The following KMT2E variants were observed in gnomAD, a reference collection of about 807,000 sequenced individuals.
KMT2E encodes lysine methyltransferase 2E (inactive), also known as histone reader KMT2E.
Under a neutral mutation model 184.6 loss-of-function variants are expected in KMT2E, and 30 were observed. The observed-to-expected ratio is 0.16, with a 90% CI of 0.12 to 0.22. KMT2E has a LOEUF of 0.22. Ranked by LOEUF, KMT2E falls within the 10% of genes least tolerant of loss-of-function variation. The pLI is 1.00. For missense variants in KMT2E, 2,023 were observed against 2,237.4 expected (o/e 0.90, Z 1.93); for synonymous variants, 815 against 776.5 (o/e 1.05, Z -0.82).
intron 2 of KMT2E, among the ~76,000 whole-genome samples, chr7:105,040,390 G>A (rs1795826928): frequency 6.6e-6 from 1 of 152,082 alleles, no homozygotes; most frequent in African/African-American, 2.4e-5. Context: ...TTCCTCAGTG[G>A]TAAAATGGAG....
In KMT2E at chr7:105,082,605, T is replaced by C. The variant is rs555505312; in HGVS notation, c.1358+808T>C. Among the ~76,000 whole-genome samples the C allele has an allele frequency of 2.0e-5, 3 of 152,120 alleles. No homozygotes were observed. The East Asian group carries it at 5.8e-4, about 29-fold the overall frequency. ...TAGGCTGAGGAGGAAGGGTGGGGGT[T>C]GCTCTTGCTGTCTCAGGGGTGACAG... On this transcript the variant is annotated intron_variant, in intron 13 of 26. Coordinates refer to ENST00000311117, the MANE Select transcript of KMT2E (RefSeq NM_182931.3).
chr7:105,104,867 G>T (rs1019420002), intron 17 of KMT2E: 1 of 151,936 alleles, frequency 6.6e-6, no homozygotes, highest in African/African-American at 2.4e-5. Flanking sequence ...GTCTCTAGTT[G>T]TAACTATATT....
chr7:105,082,262 T>TA (rs1472224460), intron 13 of KMT2E, among the ~76,000 whole-genome samples: 1 of 152,128 alleles, frequency 6.6e-6, no homozygotes, highest in Non-Finnish European at 1.5e-5. Flanking sequence ...GAAATACTAG[T>TA]AAAAAACTAA....
chr7:105,022,853 G>GT (rs1795010953), intron 1 of KMT2E, among the ~76,000 whole-genome samples: 1 of 151,964 alleles, frequency 6.6e-6, no homozygotes, highest in African/African-American at 2.4e-5. Flanking sequence ...TCGTTTTCTT[G>GT]TTTTTTCTTT....
chr7:105,094,211 C>G (rs1223373728), intron 15 of KMT2E, among the ~76,000 whole-genome samples: 3 of 152,074 alleles, frequency 2.0e-5, no homozygotes, highest in Non-Finnish European at 4.4e-5. Flanking sequence ...TTTTCCTAGT[C>G]TTGATTTTTA....
In KMT2E at chr7:105,027,747, TAAAA is replaced by T. The variant is rs1795230966; in HGVS notation, c.-188-10378_-188-10375del. On this transcript the variant is annotated intron_variant, in intron 1 of 26. Transcript: ENST00000311117. ...CTTGGGATATCGTAAGTCTTGGAAT[TAAAA>T]GACAGGAAAATGCTGTAGAAGTAAA... Among the ~76,000 whole-genome samples, 9 of 152,150 alleles carry T rather than the reference TAAAA, an allele frequency of 5.9e-5. No individual in the cohort carries two copies. The East Asian group carries it at 1.2e-3, about 19-fold the overall frequency.
chr7:105,020,246 T>A (rs1229581565), intron 1 of KMT2E, among the ~76,000 whole-genome samples: 2 of 152,184 alleles, frequency 1.3e-5, no homozygotes, highest in Admixed American at 1.3e-4. Flanking sequence ...CATGCCTGTC[T>A]AGCATACGAT....
At chr7:105,089,847 T>A (rs569096355) in intron 13 of KMT2E, among the ~76,000 whole-genome samples, 162 bp from the exon 14 acceptor site, 4 of 152,208 alleles carry the variant, frequency 2.6e-5, no homozygotes, top group East Asian at 1.9e-4. Context: ...ATGAAAAAAA[T>A]TTTTTGTGGT....
At chr7:105,107,028 TG>T (rs1798929429) in intron 20 of KMT2E, 137 bp from the exon 21 acceptor site, 2 of 636,574 alleles carry the variant, frequency 3.1e-6, no homozygotes, top group South Asian at 4.9e-5. Context: ...CAGTCTTATT[TG>T]GGGAATGGAA....
chr7:105,087,909 CTATAT>C (rs543830981), intron 13 of KMT2E, among the ~76,000 whole-genome samples: 12 of 130,224 alleles, frequency 9.2e-5, no homozygotes, highest in Non-Finnish European at 1.8e-4. Flanking sequence ...TCCTCTTATT[CTATAT>C]ATTTTTAAAC....
rs554188776 is a variant in KMT2E at position 105,114,760 on chromosome 7, C to CTATT, written c.*1433_*1436dup. ...AGTCATGTTTTTACACTTTGAACCTCTATTTATTTCCTTTTGAAAATTAGC... is the reference window on the plus strand; with the variant it reads ...AGTCATGTTTTTACACTTTGAACCTCTATTTATTTATTTCCTTTTGAAAATTAGC... On this transcript the variant is annotated 3_prime_UTR_variant, in exon 27 of 27. Transcript: ENST00000311117. Among the ~76,000 whole-genome samples, 6 of 152,160 alleles carry CTATT rather than the reference C, an allele frequency of 3.9e-5. No homozygotes were observed. Among genetic ancestry groups the CTATT allele is most frequent in the Admixed American group, 1.3e-4 (2 of 15,276 alleles).
At position 105,101,981 on chromosome 7, in the gene KMT2E, T is replaced by C. The variant is rs781398791; in HGVS notation, c.1983T>C (p.Ile661=). 1.2e-6 allele frequency: 2 copies of C among 1,614,012 alleles called. No individual in the cohort carries two copies. The highest frequency in any genetic ancestry group is 1.7e-6 in the Non-Finnish European group (2 of 1,179,942). The change falls in exon 17 of 27, where the codon ATT becomes ATC. Residue 661 remains isoleucine (I), a synonymous_variant. Coordinates refer to ENST00000311117, the MANE Select transcript of KMT2E (RefSeq NM_182931.3). The stretch of plus-strand genomic sequence containing the variant: ...GTTTTTCTCGGAGTAGGACTCACAT[T>C]GGACAGCAGCGTCGGAGACACAGAA... The part of the protein sequence containing the change: ...RKSFSRSRTH[I]GQQRRRHRTV...
At chr7:105,067,425 C>T (rs916308754) in intron 6 of KMT2E, among the ~76,000 whole-genome samples, 1 of 151,554 alleles carries the variant, frequency 6.6e-6, no homozygotes, top group Non-Finnish European at 1.5e-5. Context: ...TTTTTAAAAT[C>T]TTTTTATTAT....
At chr7:105,063,233 A>T in intron 4 of KMT2E, 118 bp from the exon 5 acceptor site, 2 of 695,152 alleles carry the variant, frequency 2.9e-6, no homozygotes, top group South Asian at 4.3e-5. Flanking sequence ...GGAAGGAATG[A>T]GCCAGTCTCA....
rs557059636 is a variant in KMT2E at position 105,035,461 on chromosome 7, G to A, written c.-188-2665G>A. On this transcript the variant is annotated intron_variant, in intron 1 of 26. Transcript: ENST00000311117. ...TGGGATTACAAGTGTGAGCCACTGTGCCCAGCCAAGATCGGCTTTTTTTTT... is the reference window on the plus strand; with the variant it reads ...TGGGATTACAAGTGTGAGCCACTGTACCCAGCCAAGATCGGCTTTTTTTTT... 4.6e-3 allele frequency among the ~76,000 whole-genome samples: 687 copies of A among 148,698 alleles called. 5 individuals carry two copies. The highest frequency in any genetic ancestry group is 0.019 in the Middle Eastern group (5 of 266).
chr7:105,093,929 A>G (rs1798308086), intron 15 of KMT2E, among the ~76,000 whole-genome samples: 1 of 152,250 alleles, frequency 6.6e-6, no homozygotes, highest in Admixed American at 6.5e-5. Flanking sequence ...CTTGCAAAGT[A>G]TAAATGTCTT....
chr7:105,087,164 A>G (rs970450573), intron 13 of KMT2E, among the ~76,000 whole-genome samples: 1 of 146,906 alleles, frequency 6.8e-6, no homozygotes, highest in African/African-American at 2.5e-5. Flanking sequence ...GCGGACTGGT[A>G]TATAATAAAA....
intron 14 of KMT2E, 84 bp downstream of exon 14, chr7:105,090,357 A>T: frequency 7.0e-7 from 1 of 1,421,444 alleles, no homozygotes; most frequent in Non-Finnish European, 9.5e-7. Context: ...TTCTATGTAT[A>T]ATTGTTTAAA....
At chr7:105,097,194 G>A (rs1584791544) in intron 15 of KMT2E, among the ~76,000 whole-genome samples, 2 of 152,112 alleles carry the variant, frequency 1.3e-5, no homozygotes, top group African/African-American at 4.8e-5. Flanking sequence ...AATAAAATAG[G>A]ATAAGTTTGT....
Sources: allele counts gnomAD v4.1 joint callset (sites outside exome capture counted in the v4.1 genomes callset), GRCh38; gene constraint gnomAD v4.1.1; transcripts MANE v1.5; gene names NCBI Gene and HGNC (gene_info 2026-07-23, HGNC 2026-07-21).